The following CELF2 variants were observed in gnomAD, a reference collection of about 807,000 sequenced individuals.
CELF2 encodes CUGBP Elav-like family member 2, also known as CUG triplet repeat RNA-binding protein 2.
Under a neutral mutation model 62.6 loss-of-function variants are expected in CELF2, and 8 were observed. The observed-to-expected ratio is 0.13, with a 90% confidence interval of 0.07 to 0.23. The LOEUF (loss-of-function observed/expected upper bound fraction) is 0.23. Among genes scored for constraint, CELF2 ranks in the 10% least tolerant of loss-of-function variants. The pLI is 1.00. For missense variants in CELF2, 333 were observed against 671.0 expected (o/e 0.50, Z 5.56); for synonymous variants, 258 against 250.0 (o/e 1.03, Z -0.30).
intron 3 of CELF2, among the ~76,000 whole-genome samples, chr10:11,222,735 AAGTT>A (rs2065245569): frequency 6.6e-6 from 1 of 152,200 alleles, no homozygotes; most frequent in African/African-American, 2.4e-5. Flanking sequence ...ATGCCCGAAT[AAGTT>A]AGTTTTTATA....
intron 2 of CELF2, among the ~76,000 whole-genome samples, chr10:10,962,358 G>A (rs568001608): frequency 4.1e-4 from 62 of 152,332 alleles, no homozygotes; most frequent in Middle Eastern, 3.4e-3. Context: ...ACTTGTTATA[G>A]GATAAGACCA....
chr10:10,473,956 C>G, the CELF2 span, among the ~76,000 whole-genome samples: 1 of 151,978 alleles, frequency 6.6e-6, no homozygotes, highest in East Asian at 1.9e-4. Context: ...TTCAGACAAA[C>G]CCGGGATTAT....
the CELF2 span, among the ~76,000 whole-genome samples, chr10:10,463,463 C>T: frequency 1.3e-5 from 2 of 152,150 alleles, no homozygotes; most frequent in Non-Finnish European, 2.9e-5. Context: ...GTTACATATC[C>T]TACAATCAAC....
intron 2 of CELF2, among the ~76,000 whole-genome samples, chr10:10,932,736 TGGACC>T: frequency 6.6e-6 from 1 of 152,102 alleles, no homozygotes; most frequent in East Asian, 1.9e-4. Flanking sequence ...AACATATACC[TGGACC>T]AAAGAATTAA....
chr10:11,038,528 C>T (rs1311009599), intron 1 of CELF2, among the ~76,000 whole-genome samples: 1 of 152,056 alleles, frequency 6.6e-6, no homozygotes, highest in Non-Finnish European at 1.5e-5. Context: ...TACCAAAGTA[C>T]ATCAAAAGAG....
chr10:10,466,085 A>T, the CELF2 span, among the ~76,000 whole-genome samples: 2 of 152,080 alleles, frequency 1.3e-5, no homozygotes, highest in African/African-American at 4.8e-5. Flanking sequence ...TGATATTTCT[A>T]TGTACCTTTT....
rs1008928203 is a variant in CELF2, at chr10:11,172,655, C to T, written c.271+6973C>T. ...TGGCAGATAATACCTATCATGGGTACGTTTTGATCCTTATATCTCTGGAGA... is the reference window on the plus strand; with the variant it reads ...TGGCAGATAATACCTATCATGGGTATGTTTTGATCCTTATATCTCTGGAGA... On this transcript the variant is annotated intron_variant, in intron 2 of 12. Transcript: ENST00000633077. 7.9e-5 allele frequency among the ~76,000 whole-genome samples: 12 copies of T among 152,132 alleles called. No homozygotes were observed. The South Asian group carries it at 2.3e-3, about 29-fold the overall frequency.
chr10:10,490,534 C>T, the CELF2 span, among the ~76,000 whole-genome samples: 4 of 150,466 alleles, frequency 2.7e-5, no homozygotes, highest in Non-Finnish European at 4.4e-5. Context: ...TCTGTCATCC[C>T]AGAGATTATC....
At chr10:10,793,519 T>C (rs1309698324), upstream of CELF2, among the ~76,000 whole-genome samples, 1 of 152,154 alleles carries the variant, frequency 6.6e-6, no homozygotes, top group Admixed American at 6.5e-5. Context: ...GTGCATAAAA[T>C]AAATATAATA....
At chr10:10,630,750 T>C in the CELF2 span, among the ~76,000 whole-genome samples, 1 of 152,212 alleles carries the variant, frequency 6.6e-6, no homozygotes, top group Non-Finnish European at 1.5e-5. Flanking sequence ...AATATCTGCA[T>C]GGCATTTATA....
At chr10:11,069,750 GT>G (rs2069242133) in intron 1 of CELF2, among the ~76,000 whole-genome samples, 1 of 152,226 alleles carries the variant, frequency 6.6e-6, no homozygotes. Flanking sequence ...AAATGAAAGT[GT>G]TTCGTAATTA....
chr10:10,853,579 A>G (rs2059524110), intron 1 of CELF2, among the ~76,000 whole-genome samples: 1 of 152,072 alleles, frequency 6.6e-6, no homozygotes, highest in South Asian at 2.1e-4. Flanking sequence ...GTGGCTGGGA[A>G]TAATACACAC....
Position 11,156,588 on chromosome 10 carries a change from C to T in CELF2, c.75-8898C>T, listed in dbSNP as rs1339440375. Among the ~76,000 whole-genome samples the T allele has an allele frequency of 1.3e-5, 2 of 152,088 alleles. No homozygotes were observed. The highest frequency in any genetic ancestry group is 4.8e-5 in the African/African-American group (2 of 41,408). On this transcript the variant is annotated intron_variant, in intron 1 of 12. Coordinates refer to ENST00000633077, the MANE Select transcript of CELF2 (RefSeq NM_001326342.2). This position sits in a 1 kb window ranked among gnomAD's most constrained non-coding sequence, Gnocchi z 4.3. ...TATAACTCCGTGAAGACTGTTTTAC[C>T]CCCACTTTAGTCATTGCGGTATCCC...
chr10:10,872,540 A>C (rs2208950), intron 1 of CELF2, among the ~76,000 whole-genome samples: 64,645 of 151,974 alleles, frequency 0.43, 15,983 homozygotes, highest in East Asian at 0.95. Context: ...ATTTATGCTT[A>C]CCATTAAAAG....
intron 2 of CELF2, among the ~76,000 whole-genome samples, chr10:10,992,670 C>A (rs1414646045): frequency 1.3e-5 from 2 of 152,060 alleles, no homozygotes; most frequent in Admixed American, 6.5e-5. Context: ...AGAAACAGAA[C>A]TAGCAGGATC....
the CELF2 span, among the ~76,000 whole-genome samples, chr10:10,763,332 G>A: frequency 6.6e-6 from 1 of 152,070 alleles, no homozygotes; most frequent in Non-Finnish European, 1.5e-5. Flanking sequence ...CATATCCCTC[G>A]TCGTGAGCCT....
At chr10:11,074,455 C>T (rs2071223979) in intron 1 of CELF2, among the ~76,000 whole-genome samples, 1 of 152,148 alleles carries the variant, frequency 6.6e-6, no homozygotes, top group Non-Finnish European at 1.5e-5. Context: ...TGAACCCTTC[C>T]GTTTTCCAAA....
chr10:11,333,779 T>TTTTG lies in CELF2; in HGVS notation c.*4729_*4732dup, dbSNP rs1212971852. The TTTTG allele has an allele frequency of 6.6e-6, 1 of 152,564 alleles. No individual in the cohort carries two copies. The highest frequency in any genetic ancestry group is 2.4e-5 in the African/African-American group (1 of 41,420). The allele number at this position is 152,564 out of a possible 1,614,324, so 9.5% of individuals were successfully genotyped here. A position where few individuals can be genotyped will look rare whatever the true frequency, so the allele number is the denominator to read the frequency against. ...TGTTTGTTTTATTGATGCATTTGGA[T>TTTTG]TTTGTTGTTTGATGGAATTTGAGCC... On this transcript the variant is annotated 3_prime_UTR_variant, in exon 13 of 13. Coordinates refer to ENST00000633077, the MANE Select transcript of CELF2 (RefSeq NM_001326342.2).
chr10:10,574,465 C>G, the CELF2 span, among the ~76,000 whole-genome samples: 1 of 152,126 alleles, frequency 6.6e-6, no homozygotes, highest in Non-Finnish European at 1.5e-5. Flanking sequence ...TATGATCCAC[C>G]AACCAACTTG....
Sources: allele counts gnomAD v4.1 joint callset (sites outside exome capture counted in the v4.1 genomes callset), GRCh38; gene constraint gnomAD v4.1.1; non-coding constraint Gnocchi (gnomAD v3.1); transcripts MANE v1.5; gene names NCBI Gene and HGNC (gene_info 2026-07-23, HGNC 2026-07-21).